MEI4: variants seen among roughly 807,000 people sequenced by gnomAD.
MEI4 encodes meiotic double-stranded break formation protein 4, also known as meiosis-specific protein MEI4.
Under a neutral mutation model 31.4 loss-of-function variants are expected in MEI4, and 27 were observed. The observed-to-expected ratio is 0.86, with a 90% confidence interval of 0.63 to 1.19. The LOEUF (loss-of-function observed/expected upper bound fraction) is 1.19. MEI4 is among the 50% of genes most tolerant of loss of function. MEI4 has a pLI of 0.00. For missense variants in MEI4, 329 were observed against 398.9 expected (o/e 0.82, Z 1.49); for synonymous variants, 122 against 145.4 (o/e 0.84, Z 1.16).
At chr6:77,749,903 A>G (rs1272295555) in intron 2 of MEI4, among the ~76,000 whole-genome samples, 2 of 152,246 alleles carry the variant, frequency 1.3e-5, no homozygotes, top group Non-Finnish European at 2.9e-5. Flanking sequence ...GAAGCCCACC[A>G]GACTAACAGC....
chr6:77,740,771 C>T (rs971288684), intron 2 of MEI4, among the ~76,000 whole-genome samples: 4 of 151,682 alleles, frequency 2.6e-5, no homozygotes, highest in Admixed American at 6.6e-5. Context: ...TAGACACACA[C>T]ATATTTATAT....
intron 3 of MEI4, among the ~76,000 whole-genome samples, chr6:77,791,446 C>G (rs1011280943): frequency 4.1e-5 from 6 of 146,924 alleles, no homozygotes; most frequent in Non-Finnish European, 7.4e-5. Context: ...AAACCAAACA[C>G]TGCATATTCT....
At chr6:77,743,275 T>A (rs944360066) in intron 2 of MEI4, among the ~76,000 whole-genome samples, 1 of 152,166 alleles carries the variant, frequency 6.6e-6, no homozygotes, top group South Asian at 2.1e-4. Flanking sequence ...CTTCCATTTG[T>A]TTGTATCCTC....
At chr6:77,742,071 A>G (rs1487841993) in intron 2 of MEI4, among the ~76,000 whole-genome samples, 2 of 152,036 alleles carry the variant, frequency 1.3e-5, no homozygotes, top group African/African-American at 4.8e-5. Context: ...ATAGTGCCAC[A>G]ATAAACATAC....
chr6:77,670,826 C>A (rs1458329025), intron 1 of MEI4, among the ~76,000 whole-genome samples: 2 of 152,110 alleles, frequency 1.3e-5, no homozygotes, highest in South Asian at 2.1e-4. Context: ...GAAATACATA[C>A]ATTTTACTTA....
intron 4 of MEI4, among the ~76,000 whole-genome samples, chr6:77,861,177 A>G (rs1225162945): frequency 1.3e-5 from 2 of 152,200 alleles, no homozygotes; most frequent in African/African-American, 4.8e-5. Flanking sequence ...CTTGTTCCAC[A>G]GTGCCCTTTT....
intron 2 of MEI4, among the ~76,000 whole-genome samples, chr6:77,728,841 G>C (rs898322344): frequency 3.9e-5 from 6 of 152,188 alleles, no homozygotes; most frequent in African/African-American, 1.2e-4. Flanking sequence ...CCAGTGGGTA[G>C]GACTTTCAAT....
chr6:77,899,016 C>T (rs1041588562), intron 4 of MEI4, among the ~76,000 whole-genome samples: 10 of 151,930 alleles, frequency 6.6e-5, no homozygotes, highest in Admixed American at 2.6e-4. Context: ...ACATTGCCAT[C>T]GGGAATACGA....
At chr6:77,672,085 G>A (rs1376580333) in intron 1 of MEI4, among the ~76,000 whole-genome samples, 4 of 152,310 alleles carry the variant, frequency 2.6e-5, no homozygotes, top group African/African-American at 9.6e-5. Flanking sequence ...TCAGCAGAAC[G>A]TCTGATTGTA....
At chr6:77,908,445 A>G (rs1470449521) in intron 4 of MEI4, among the ~76,000 whole-genome samples, 1 of 152,040 alleles carries the variant, frequency 6.6e-6, no homozygotes, top group African/African-American at 2.4e-5. Flanking sequence ...GTTTTTAAAG[A>G]TCAGTTGGTT....
intron 2 of MEI4, among the ~76,000 whole-genome samples, chr6:77,757,488 A>G (rs557357942): frequency 1.3e-5 from 2 of 152,354 alleles, no homozygotes; most frequent in South Asian, 4.1e-4. Context: ...ACATTGGTAG[A>G]GGTACTCTTT....
chr6:77,859,215 G>T (rs1770810315), intron 4 of MEI4, among the ~76,000 whole-genome samples: 1 of 152,142 alleles, frequency 6.6e-6, no homozygotes, highest in African/African-American at 2.4e-5. Context: ...TTTTATGGCT[G>T]CATAGTATTC....
chr6:77,903,584 G>A (rs1363887281), intron 4 of MEI4, among the ~76,000 whole-genome samples: 1 of 152,030 alleles, frequency 6.6e-6, no homozygotes, highest in Admixed American at 6.6e-5. Context: ...GAATGCAAGT[G>A]GAAAGAGTGG....
At chr6:77,807,630 T>C (rs1769472260) in intron 3 of MEI4, among the ~76,000 whole-genome samples, 1 of 152,102 alleles carries the variant, frequency 6.6e-6, no homozygotes, top group Admixed American at 6.6e-5. Context: ...AGGTACACAA[T>C]CAATGTTAGT....
chr6:77,843,869 A>T (rs1196092116), intron 4 of MEI4, among the ~76,000 whole-genome samples: 1 of 152,128 alleles, frequency 6.6e-6, no homozygotes, highest in Non-Finnish European at 1.5e-5. Flanking sequence ...CATGTAATAG[A>T]GTAGGTAAAA....
intron 4 of MEI4, among the ~76,000 whole-genome samples, chr6:77,893,190 T>C (rs1030343232): frequency 1.3e-5 from 2 of 152,164 alleles, no homozygotes; most frequent in African/African-American, 4.8e-5. Flanking sequence ...CTGACTGTTT[T>C]TGCTCCTGCT....
chr6:77,666,104 C>T lies in MEI4; in HGVS notation c.-15+13012C>T, dbSNP rs559447699. 3.3e-5 allele frequency among the ~76,000 whole-genome samples: 5 copies of T among 152,076 alleles called. No homozygotes were observed. In the East Asian group the frequency reaches 5.8e-4, roughly 18 times the overall value. ...GGGCTGAGTCCGAAAAGAGAGTCAG[C>T]GAAGGGTGGTGGATTATCATTAGTT... is the stretch of plus-strand genomic sequence containing the variant. On this transcript the variant is annotated intron_variant, in intron 1 of 4. Coordinates refer to ENST00000684080, the MANE Select transcript of MEI4 (RefSeq NM_001322247.2).
intron 2 of MEI4, among the ~76,000 whole-genome samples, chr6:77,746,910 A>T (rs1767625053): frequency 6.6e-6 from 1 of 152,092 alleles, no homozygotes; most frequent in South Asian, 2.1e-4. Context: ...CATGAAGATG[A>T]TTTGTTCAGT....
chr6:77,650,925 A>T (rs1166875240), upstream of MEI4, among the ~76,000 whole-genome samples: 1 of 152,136 alleles, frequency 6.6e-6, no homozygotes, highest in Non-Finnish European at 1.5e-5. Flanking sequence ...GGAGTTGTCA[A>T]ATCTATTCAG....
Sources: allele counts gnomAD v4.1 joint callset (sites outside exome capture counted in the v4.1 genomes callset), GRCh38; gene constraint gnomAD v4.1.1; transcripts MANE v1.5; gene names NCBI Gene and HGNC (gene_info 2026-07-23, HGNC 2026-07-21).